The following CACNA1C variants were observed in gnomAD, a reference collection of about 807,000 sequenced individuals.
The protein encoded by CACNA1C is voltage-dependent L-type calcium channel subunit alpha-1C.
CACNA1C carries 30 observed loss-of-function variants against 229.0 expected under a neutral mutation model. That is an observed-to-expected ratio of 0.13 (90% CI 0.10 to 0.18). The LOEUF (loss-of-function observed/expected upper bound fraction) is 0.18. CACNA1C is among the 10% of genes least tolerant of loss of function. The pLI is 1.00. For synonymous variants in CACNA1C, 1,114 were observed against 1,132.5 expected, an observed-to-expected ratio of 0.98 and a Z score of 0.33; for missense variants, 1,658 against 2,845.0, an observed-to-expected ratio of 0.58 and a Z score of 9.49.
intron 43 of CACNA1C, among the ~76,000 whole-genome samples, chr12:2,683,301 G>A (rs1193973500): frequency 1.3e-5 from 2 of 152,162 alleles, no homozygotes; most frequent in Non-Finnish European, 2.9e-5. Context: ...GCGCTGTGCT[G>A]GGAAACACTT....
Position 2,608,016 on chromosome 12 carries a change from T to G in CACNA1C, c.3357-495T>G, listed in dbSNP as rs2076129025. The G allele has an allele frequency of 6.5e-6, 1 of 153,798 alleles. No individual in the cohort carries two copies. The highest frequency in any genetic ancestry group is 2.4e-5 in the African/African-American group (1 of 41,462). 9.5% of individuals were successfully genotyped at this position (153,798 alleles called of 1,614,324 possible). On this transcript the variant is annotated intron_variant, in intron 26 of 46. Coordinates refer to ENST00000399655, the MANE Select transcript of CACNA1C (RefSeq NM_000719.7). The surrounding 1 kb of genome is among the most constrained non-coding windows in gnomAD (Gnocchi z 4.2). ...GAATGGCATATGTATGTAAACTGCT[T>G]ATGTCTAAAACCAGGCCATTGGTGA...
At chr12:1,996,644 AAAAAAAAAAAAC>A (rs56006367) in intron 1 of CACNA1C, among the ~76,000 whole-genome samples, 1,861 of 89,086 alleles carry the variant, frequency 0.021, 94 homozygotes, top group African/African-American at 0.045. Flanking sequence ...AAAAAAAAAA[AAAAAAAAAAAAC>A]AACAAACTCT....
At chr12:2,307,042 C>A (rs1413679942) in intron 3 of CACNA1C, among the ~76,000 whole-genome samples, 3 of 152,222 alleles carry the variant, frequency 2.0e-5, no homozygotes, top group Non-Finnish European at 4.4e-5. Flanking sequence ...CTGCCATGGT[C>A]TCAGCTGAAG....
chr12:2,195,963 G>T (rs1261182374), intron 3 of CACNA1C, among the ~76,000 whole-genome samples: 1 of 152,180 alleles, frequency 6.6e-6, no homozygotes, highest in Non-Finnish European at 1.5e-5. Flanking sequence ...CGCTGGCAGA[G>T]GAGTGTTCAG....
chr12:2,049,287 A>G (rs1326929295), upstream of CACNA1C: 1 of 152,192 alleles, frequency 6.6e-6, no homozygotes, highest in Non-Finnish European at 1.5e-5. Context: ...TGGTTTCCTC[A>G]CCGGTAAAAT....
chr12:2,004,149 T>C, intron 1 of CACNA1C: 2 of 1,237,858 alleles, frequency 1.6e-6, no homozygotes, highest in East Asian at 2.8e-5. Context: ...AACTTCGGCC[T>C]CAGTCCCCAG....
chr12:2,672,555 A>C (rs2096612302), intron 38 of CACNA1C, among the ~76,000 whole-genome samples: 1 of 152,082 alleles, frequency 6.6e-6, no homozygotes, highest in Non-Finnish European at 1.5e-5. Context: ...CCAGATTCTG[A>C]GGGCTGTGGA....
rs191432947 is a variant in CACNA1C at position 2,424,054 on chromosome 12, T to C, written c.478-24922T>C. 5.9e-5 allele frequency among the ~76,000 whole-genome samples: 9 copies of C among 151,994 alleles called. No individual in the cohort carries two copies. In the East Asian group the frequency reaches 7.7e-4, roughly 13 times the overall value. Reference sequence around the variant, plus strand: ...TGTTTCTTCAGTAACCCGCGCACATTATGTGGTTCCATATGGATCAGTAAA... The same window carrying C: ...TGTTTCTTCAGTAACCCGCGCACATCATGTGGTTCCATATGGATCAGTAAA... On this transcript the variant is annotated intron_variant, in intron 3 of 46. Transcript: ENST00000399655.
intron 3 of CACNA1C, among the ~76,000 whole-genome samples, chr12:2,122,980 AG>A (rs1449866504): frequency 6.6e-6 from 1 of 152,204 alleles, no homozygotes; most frequent in Non-Finnish European, 1.5e-5. Context: ...ATTTCCTCGC[AG>A]GGATGCCGAT....
chr12:2,499,548 C>T (rs1346530144), intron 7 of CACNA1C, among the ~76,000 whole-genome samples: 2 of 152,130 alleles, frequency 1.3e-5, no homozygotes, highest in Non-Finnish European at 2.9e-5. Context: ...ATCTGGGGTT[C>T]CCTTCAAGGA....
At chr12:2,539,944 T>C (rs1028757753) in intron 9 of CACNA1C, among the ~76,000 whole-genome samples, 7 of 151,702 alleles carry the variant, frequency 4.6e-5, no homozygotes, top group Non-Finnish European at 1.5e-5. Context: ...TGTGGATCTG[T>C]TACCGGTAAA....
chr12:2,109,295 G>A (rs560218042), intron 1 of CACNA1C, among the ~76,000 whole-genome samples: 5 of 152,300 alleles, frequency 3.3e-5, no homozygotes, highest in African/African-American at 1.2e-4. Context: ...CAGGGAAGTG[G>A]GGAGAACACT....
rs114205201 is a variant in CACNA1C, at chr12:2,334,257, G to A, written c.478-114719G>A. Reference sequence around the variant, plus strand: ...AGAGGAGGCCCCCTGAAGTGAAGGTGCCACAGCATTACTGCAGTTCAGCAG... The same window carrying A: ...AGAGGAGGCCCCCTGAAGTGAAGGTACCACAGCATTACTGCAGTTCAGCAG... On this transcript the variant is annotated intron_variant, in intron 3 of 46. Transcript: ENST00000399655. Among the ~76,000 whole-genome samples the A allele has an allele frequency of 8.5e-3, 1,296 of 152,350 alleles. 22 individuals carry two copies. The highest frequency in any genetic ancestry group is 0.029 in the African/African-American group (1,214 of 41,564).
At chr12:2,226,855 A>G (rs1186475913) in intron 3 of CACNA1C, among the ~76,000 whole-genome samples, 1 of 152,242 alleles carries the variant, frequency 6.6e-6, no homozygotes, top group Non-Finnish European at 1.5e-5. Context: ...ATAGCCCATC[A>G]CAGTGCAAAT....
chr12:2,060,888 C>T (rs1298251091), intron 1 of CACNA1C, among the ~76,000 whole-genome samples: 1 of 152,242 alleles, frequency 6.6e-6, no homozygotes, highest in Non-Finnish European at 1.5e-5. Context: ...GAAATGTTGA[C>T]TTGAGTACTC....
intron 5 of CACNA1C, among the ~76,000 whole-genome samples, chr12:2,475,278 A>G (rs7295035): frequency 0.73 from 110,350 of 150,958 alleles, 40,765 homozygotes; most frequent in East Asian, 0.88. Context: ...CAGCCTGGGC[A>G]ACAGAGTGAG....
At chr12:2,305,559 C>T (rs1309250914) in intron 3 of CACNA1C, among the ~76,000 whole-genome samples, 1 of 152,200 alleles carries the variant, frequency 6.6e-6, no homozygotes, top group Admixed American at 6.5e-5. Context: ...AAACAGGTTG[C>T]TCAAGGCAGA....
intron 3 of CACNA1C, among the ~76,000 whole-genome samples, chr12:2,295,948 A>G (rs2093997837): frequency 6.6e-6 from 1 of 152,144 alleles, no homozygotes; most frequent in African/African-American, 2.4e-5. Flanking sequence ...TTGCTTCCTT[A>G]TCCCTGTGAT....
intron 3 of CACNA1C, among the ~76,000 whole-genome samples, chr12:2,419,226 C>T (rs1326362133): frequency 3.3e-5 from 5 of 152,148 alleles, no homozygotes; most frequent in African/African-American, 4.8e-5. Flanking sequence ...TCAGCACCAG[C>T]GTCAGCTTCT....
Sources: allele counts gnomAD v4.1 joint callset (sites outside exome capture counted in the v4.1 genomes callset), GRCh38; gene constraint gnomAD v4.1.1; non-coding constraint Gnocchi (gnomAD v3.1); transcripts MANE v1.5; gene names NCBI Gene and HGNC (gene_info 2026-07-23, HGNC 2026-07-21).